Variants in IGF2BP3 observed in about 807,000 individuals in gnomAD.
IGF2BP3 encodes insulin-like growth factor 2 mRNA-binding protein 3.
Under a neutral mutation model 73.8 loss-of-function variants are expected in IGF2BP3, and 9 were observed. That is an observed-to-expected ratio of 0.12 (90% CI 0.07 to 0.21). The LOEUF (loss-of-function observed/expected upper bound fraction) is 0.21. IGF2BP3 is among the 10% of genes least tolerant of loss of function. IGF2BP3 has a pLI of 1.00. For missense variants in IGF2BP3, 542 were observed against 714.0 expected, an observed-to-expected ratio of 0.76 and a Z score of 2.75; for synonymous variants, 258 against 256.7, an observed-to-expected ratio of 1.01 and a Z score of -0.05.
intron 3 of IGF2BP3, among the ~76,000 whole-genome samples, chr7:23,387,647 T>G (rs1786129491): frequency 6.6e-6 from 1 of 152,220 alleles, no homozygotes; most frequent in South Asian, 2.1e-4. Flanking sequence ...TTAAATTATC[T>G]GATTTAAATT....
Position 23,448,401 on chromosome 7 carries a change from C to T in IGF2BP3, c.236+20081G>A, listed in dbSNP as rs945581290. On this transcript the variant is annotated intron_variant, in intron 2 of 14. Coordinates refer to ENST00000258729, the MANE Select transcript of IGF2BP3 (RefSeq NM_006547.3). Reference sequence around the variant, plus strand: ...GCAGTCCTTAACTGTTTATTCTAAACACTTATCTTTTCAAAAATACATTTT... The same window carrying T: ...GCAGTCCTTAACTGTTTATTCTAAATACTTATCTTTTCAAAAATACATTTT... 2.6e-5 allele frequency among the ~76,000 whole-genome samples: 4 copies of T among 152,062 alleles called. No homozygotes were observed. In the East Asian group the frequency reaches 7.7e-4, roughly 29 times the overall value.
At chr7:23,377,856 C>A (rs1448428852) in intron 3 of IGF2BP3, among the ~76,000 whole-genome samples, 4 of 152,150 alleles carry the variant, frequency 2.6e-5, no homozygotes, top group South Asian at 2.1e-4. Flanking sequence ...TAAAAGGCCA[C>A]ATATATATGA....
chr7:23,465,789 G>C (rs1218702937), intron 2 of IGF2BP3, among the ~76,000 whole-genome samples: 1 of 152,156 alleles, frequency 6.6e-6, no homozygotes, highest in African/African-American at 2.4e-5. Flanking sequence ...CTAAAGTCCA[G>C]CAGGCTTGGC....
intron 2 of IGF2BP3, among the ~76,000 whole-genome samples, chr7:23,461,093 C>A (rs536077909): frequency 6.6e-6 from 1 of 152,202 alleles, no homozygotes; most frequent in East Asian, 1.9e-4. Context: ...AGATTTAACA[C>A]CACCCTCACT....
chr7:23,452,386 C>T (rs1788222078), intron 2 of IGF2BP3, among the ~76,000 whole-genome samples: 1 of 152,150 alleles, frequency 6.6e-6, no homozygotes, highest in African/African-American at 2.4e-5. Context: ...AAACACATGT[C>T]TTTTTGCCAA....
chr7:23,404,974 G>T (rs1786782823), intron 3 of IGF2BP3: 2 of 152,122 alleles, frequency 1.3e-5, no homozygotes, highest in Admixed American at 6.5e-5. Context: ...AGCAACAAGT[G>T]AAGGTTTTTA....
At position 23,346,197 on chromosome 7, in the gene IGF2BP3, G is replaced by A. The variant is rs1784824267; in HGVS notation, c.819-135C>T. On this transcript the variant is annotated intron_variant, in intron 7 of 14. Coordinates refer to ENST00000258729, the MANE Select transcript of IGF2BP3 (RefSeq NM_006547.3). ...CTGTGTTAGGTACAGCTTAAAACTT[G>A]CTGACAATTGGCCAGCATTCTAGCA... 4.4e-6 allele frequency: 4 copies of A among 912,156 alleles called. No homozygotes were observed. The South Asian group carries it at 5.8e-5, about 13-fold the overall frequency. The allele number at this position is 912,156 out of a possible 1,614,324, so 56.5% of individuals were successfully genotyped here.
rs887098748 is a variant in IGF2BP3 at position 23,343,859 on chromosome 7, G to C, written c.942-6C>G. 5 of 1,605,694 alleles carry C rather than the reference G, an allele frequency of 3.1e-6. No homozygotes were observed. The highest frequency in any genetic ancestry group is 1.3e-5 in the African/African-American group (1 of 74,718). ...ACAGCGTCAATTCCTGCAATCTGCA[G>C]AATGAAAAAGAAGGGAAAGAAAAAG... On this transcript the variant is annotated splice_polypyrimidine_tract_variant and splice_region_variant and intron_variant, in intron 8 of 14. Coordinates refer to ENST00000258729, the MANE Select transcript of IGF2BP3 (RefSeq NM_006547.3).
rs200894400 is a variant in IGF2BP3 at position 23,343,826 on chromosome 7, T to C, written c.969A>G (p.Pro323=). ...SPLQELTLYN[P]ERTITVKGNV... is the part of the protein sequence containing the mutation. ...TGCCTTTAACTGTAATAGTGCGTTC[T>C]GGATTATACAGCGTCAATTCCTGCA... The change falls in exon 9 of 15, where the codon CCA becomes CCG. Residue 323 remains proline (P), a synonymous_variant. Coordinates refer to ENST00000258729, the MANE Select transcript of IGF2BP3 (RefSeq NM_006547.3). The C allele has an allele frequency of 7.8e-5, 126 of 1,612,866 alleles. No homozygotes were observed. In the East Asian group the frequency reaches 2.7e-3, roughly 35 times the overall value.
intron 2 of IGF2BP3, among the ~76,000 whole-genome samples, chr7:23,454,531 T>G (rs571834349): frequency 6.6e-6 from 1 of 152,330 alleles, no homozygotes; most frequent in South Asian, 2.1e-4. Flanking sequence ...TAGTACCAGA[T>G]AATCCAAGAA....
intron 2 of IGF2BP3, among the ~76,000 whole-genome samples, chr7:23,424,899 C>A (rs1228177958): frequency 6.6e-6 from 1 of 152,202 alleles, no homozygotes; most frequent in African/African-American, 2.4e-5. Flanking sequence ...CCTCCAAATA[C>A]CCATCACCTG....
chr7:23,351,800 C>T (rs73088156), intron 5 of IGF2BP3, among the ~76,000 whole-genome samples: 3,752 of 152,216 alleles, frequency 0.025, 72 homozygotes, highest in Non-Finnish European at 0.042. Flanking sequence ...GAGACAGGCA[C>T]AGTGGGGAAA....
chr7:23,336,514 CT>C (rs923062497), intron 10 of IGF2BP3, among the ~76,000 whole-genome samples: 1 of 148,346 alleles, frequency 6.7e-6, no homozygotes, highest in Non-Finnish European at 1.5e-5. Context: ...TTTTTCTCTT[CT>C]TTTTTTTTGA....
intron 3 of IGF2BP3, among the ~76,000 whole-genome samples, chr7:23,384,886 CT>C (rs1786033880): frequency 7.8e-5 from 1 of 12,894 alleles, no homozygotes; most frequent in South Asian, 4.5e-3. Flanking sequence ...GTGAGACTAT[CT>C]CAAAACAAAA....
chr7:23,327,376 G>A (rs1474829296), intron 10 of IGF2BP3, among the ~76,000 whole-genome samples: 2 of 150,766 alleles, frequency 1.3e-5, no homozygotes, highest in African/African-American at 4.9e-5. Flanking sequence ...CGCCTCCCGG[G>A]TTCACGCCAT....
intron 2 of IGF2BP3, among the ~76,000 whole-genome samples, chr7:23,450,895 T>A (rs1487209122): frequency 1.3e-5 from 2 of 151,710 alleles, no homozygotes; most frequent in Non-Finnish European, 2.9e-5. Context: ...TAAAAAGGAA[T>A]TTTTTTTTAA....
chr7:23,320,120 C>T (rs1339422517), intron 10 of IGF2BP3, among the ~76,000 whole-genome samples: 6 of 151,760 alleles, frequency 4.0e-5, no homozygotes, highest in African/African-American at 1.5e-4. Flanking sequence ...CCATGTTGGC[C>T]AGGCTGGTCT....
intron 3 of IGF2BP3, among the ~76,000 whole-genome samples, chr7:23,364,104 G>A (rs777593028): frequency 1.1e-4 from 16 of 151,974 alleles, no homozygotes; most frequent in East Asian, 3.9e-4. Flanking sequence ...CGCAGGGCGC[G>A]GTGGCTCACG....
At chr7:23,437,530 C>A (rs1787834418) in intron 2 of IGF2BP3, among the ~76,000 whole-genome samples, 1 of 151,820 alleles carries the variant, frequency 6.6e-6, no homozygotes, top group Non-Finnish European at 1.5e-5. Flanking sequence ...ATAAAACAAT[C>A]TGGACTGTCC....
Sources: allele counts gnomAD v4.1 joint callset (sites outside exome capture counted in the v4.1 genomes callset), GRCh38; gene constraint gnomAD v4.1.1; transcripts MANE v1.5; gene names NCBI Gene and HGNC (gene_info 2026-07-23, HGNC 2026-07-21).